The following GRHL2 variants were observed in gnomAD, a reference collection of about 807,000 sequenced individuals.
GRHL2 encodes grainyhead-like protein 2 homolog.
Under a neutral mutation model 83.8 loss-of-function variants are expected in GRHL2, and 21 were observed. The ratio of observed to expected loss-of-function variants is 0.25; its 90% confidence interval spans 0.18 to 0.36. The LOEUF (loss-of-function observed/expected upper bound fraction) is 0.36, where lower values mean the gene tolerates loss of function less well. Among genes scored for constraint, GRHL2 ranks in the 10% least tolerant of loss-of-function variants. GRHL2 has a pLI of 1.00. For synonymous variants in GRHL2, 280 were observed against 278.9 expected (o/e 1.00, Z -0.04); for missense variants, 623 against 781.8 (o/e 0.80, Z 2.42).
At chr8:101,516,071 T>C (rs1181388976) in intron 1 of GRHL2, among the ~76,000 whole-genome samples, 1 of 152,128 alleles carries the variant, frequency 6.6e-6, no homozygotes, top group Admixed American at 6.6e-5. Flanking sequence ...TGTAACCTCA[T>C]GCTTCACTGC....
intron 6 of GRHL2, among the ~76,000 whole-genome samples, chr8:101,575,314 A>G (rs574941378): frequency 6.6e-6 from 1 of 152,138 alleles, no homozygotes; most frequent in South Asian, 2.1e-4. Context: ...TTAGTATTCT[A>G]AGGTCATGAC....
intron 8 of GRHL2, among the ~76,000 whole-genome samples, chr8:101,601,045 A>G (rs1248490736): frequency 2.0e-5 from 3 of 152,128 alleles, no homozygotes; most frequent in Non-Finnish European, 4.4e-5. Context: ...CTGAAGTCCT[A>G]GCTACTCAAG....
At chr8:101,554,459 C>T (rs1168763223) in intron 3 of GRHL2, among the ~76,000 whole-genome samples, 1 of 152,138 alleles carries the variant, frequency 6.6e-6, no homozygotes, top group African/African-American at 2.4e-5. Flanking sequence ...CTTAGGACAA[C>T]ATTACAAAGC....
At chr8:101,525,085 G>C (rs1054555440) in intron 1 of GRHL2, among the ~76,000 whole-genome samples, 1 of 152,096 alleles carries the variant, frequency 6.6e-6, no homozygotes, top group Non-Finnish European at 1.5e-5. Context: ...TGGGATTACA[G>C]GCACTGGCCA....
In GRHL2 at chr8:101,605,342, A is replaced by C. The variant is rs543056263; in HGVS notation, c.1098+6191A>C. Reference sequence around the variant, plus strand: ...AAGATTGGGCAAATGGAAAAAGTTAATTTAGAACCCAGGGCCCTATGAGTC... The same window carrying C: ...AAGATTGGGCAAATGGAAAAAGTTACTTTAGAACCCAGGGCCCTATGAGTC... On this transcript the variant is annotated intron_variant, in intron 8 of 15. Coordinates refer to ENST00000646743, the MANE Select transcript of GRHL2 (RefSeq NM_024915.4). Among the ~76,000 whole-genome samples, 47 of 152,326 alleles carry C rather than the reference A, an allele frequency of 3.1e-4. 3 individuals carry two copies. The South Asian group carries it at 9.5e-3, about 31-fold the overall frequency.
intron 12 of GRHL2, among the ~76,000 whole-genome samples, chr8:101,639,494 C>T (rs536165798): frequency 3.3e-5 from 5 of 152,360 alleles, no homozygotes; most frequent in South Asian, 4.1e-4. Flanking sequence ...TGTTCAAAGA[C>T]ACACAGCTGG....
chr8:101,520,542 C>A (rs919317790), intron 1 of GRHL2, among the ~76,000 whole-genome samples: 2 of 152,112 alleles, frequency 1.3e-5, no homozygotes, highest in Admixed American at 1.3e-4. Flanking sequence ...ACGCAGCAGA[C>A]AGGGTGATCT....
chr8:101,573,541 C>A, intron 5 of GRHL2, 127 bp from the exon 6 acceptor site: 2 of 1,107,322 alleles, frequency 1.8e-6, no homozygotes, highest in Non-Finnish European at 2.7e-6. Context: ...TTGCCATATG[C>A]TGTGTTTTGT....
intron 5 of GRHL2, 134 bp from the exon 6 acceptor site, chr8:101,573,534 C>A: frequency 9.8e-7 from 1 of 1,023,296 alleles, no homozygotes; most frequent in Non-Finnish European, 1.5e-6. Context: ...ATCTCTTTTG[C>A]CATATGCTGT....
intron 14 of GRHL2, among the ~76,000 whole-genome samples, chr8:101,660,203 AT>A (rs1291756373): frequency 2.0e-5 from 3 of 152,252 alleles, no homozygotes; most frequent in Non-Finnish European, 4.4e-5. Context: ...GTGCCATGTT[AT>A]CAGATGCATA....
intron 7 of GRHL2, among the ~76,000 whole-genome samples, chr8:101,587,165 C>T (rs1396594175): frequency 6.6e-6 from 1 of 152,094 alleles, no homozygotes; most frequent in African/African-American, 2.4e-5. Flanking sequence ...CGTCATTTTC[C>T]TTCACTGCTC....
intron 15 of GRHL2, 49 bp downstream of exon 15, chr8:101,664,567 C>A: frequency 7.7e-7 from 1 of 1,300,252 alleles, no homozygotes; most frequent in Non-Finnish European, 1.1e-6. Flanking sequence ...GATAAATCCA[C>A]ATGATGCCTT....
intron 14 of GRHL2, among the ~76,000 whole-genome samples, chr8:101,663,415 C>A (rs1813968056): frequency 2.0e-5 from 3 of 151,916 alleles, no homozygotes; most frequent in Admixed American, 1.3e-4. Context: ...AGTTCGAGAC[C>A]AGCCTGGCCA....
intron 1 of GRHL2, among the ~76,000 whole-genome samples, chr8:101,538,322 T>C (rs1042381431): frequency 6.6e-6 from 1 of 152,166 alleles, no homozygotes; most frequent in Non-Finnish European, 1.5e-5. Flanking sequence ...CTGGCTGGTC[T>C]TGGTCTCAGT....
At chr8:101,582,615 A>G (rs1231531154) in intron 7 of GRHL2, among the ~76,000 whole-genome samples, 1 of 152,200 alleles carries the variant, frequency 6.6e-6, no homozygotes, top group Non-Finnish European at 1.5e-5. Flanking sequence ...TCTGAGTGTT[A>G]GAGGTTCATT....
chr8:101,556,092 G>T (rs1309061636), intron 3 of GRHL2, among the ~76,000 whole-genome samples: 1 of 152,072 alleles, frequency 6.6e-6, no homozygotes, highest in Admixed American at 6.5e-5. Context: ...TGAGTAGCTG[G>T]GATTACATGC....
At chr8:101,628,655 G>T (rs902346172) in intron 9 of GRHL2, among the ~76,000 whole-genome samples, 1 of 152,022 alleles carries the variant, frequency 6.6e-6, no homozygotes, top group Non-Finnish European at 1.5e-5. Flanking sequence ...TAAGTTGAAG[G>T]CCTTTTGGAA....
At chr8:101,542,780 G>A (rs1200915949) in intron 1 of GRHL2, 1 of 456,548 alleles carries the variant, frequency 2.2e-6, no homozygotes, top group African/African-American at 2.0e-5. Flanking sequence ...TCATCTTATG[G>A]GGAAAGATGG....
intron 4 of GRHL2, among the ~76,000 whole-genome samples, chr8:101,568,236 G>A (rs1255769668): frequency 6.6e-6 from 1 of 152,204 alleles, no homozygotes; most frequent in African/African-American, 2.4e-5. Context: ...TGGAGCTAGG[G>A]GCTATCATAT....
Sources: gnomAD v4.1 joint callset for allele counts (sites outside exome capture counted in the v4.1 genomes callset) on GRCh38, gnomAD v4.1.1 for gene constraint, MANE v1.5 for transcripts, NCBI Gene and HGNC (gene_info 2026-07-23, HGNC 2026-07-21) for gene names.